Variants in SMAD3 observed in about 807,000 individuals in gnomAD.
SMAD3 encodes MAD homolog 3.
Under a neutral mutation model 51.8 loss-of-function variants are expected in SMAD3, and 12 were observed. The observed-to-expected ratio is 0.23, with a 90% CI of 0.15 to 0.38. The LOEUF is 0.38. Among genes scored for constraint, SMAD3 ranks in the 10% least tolerant of loss-of-function variants. The probability of loss-of-function intolerance (pLI) is 1.00; values close to 1 mark genes in which losing one functional copy is unlikely to be tolerated. For missense variants in SMAD3, 294 were observed against 565.6 expected (o/e 0.52, Z 4.87); for synonymous variants, 238 against 227.7 (o/e 1.05, Z -0.41).
Position 67,191,987 on chromosome 15 carries a change from A to C in SMAD3, c.*1451A>C, listed in dbSNP as rs1963379697. ...CTTTTCCCAGCCTTTTGCAGAACAC[A>C]GTAGACAGAACTGCCACCTTCAATT... is the stretch of plus-strand genomic sequence containing the variant. On this transcript the variant is annotated 3_prime_UTR_variant, in exon 9 of 9. Transcript: ENST00000327367. 1 of 230,256 alleles carries C rather than the reference A, an allele frequency of 4.3e-6. No individual in the cohort carries two copies. The highest frequency in any genetic ancestry group is 2.2e-5 in the African/African-American group (1 of 45,162). 14.3% of individuals were successfully genotyped at this position (230,256 alleles called of 1,614,324 possible).
At chr15:67,162,551 T>C (rs927619990) in intron 1 of SMAD3, among the ~76,000 whole-genome samples, 1 of 152,310 alleles carries the variant, frequency 6.6e-6, no homozygotes, top group African/African-American at 2.4e-5. Flanking sequence ...AGAGGCTACA[T>C]ACTGCTTTTA....
At chr15:67,076,289 C>T (rs538050616) in intron 1 of SMAD3, among the ~76,000 whole-genome samples, 7 of 152,086 alleles carry the variant, frequency 4.6e-5, no homozygotes, top group Non-Finnish European at 7.4e-5. Flanking sequence ...TTTGTTTGGT[C>T]GACTAAAAAT....
At chr15:67,166,470 T>G in intron 3 of SMAD3, 1 of 487,406 alleles carries the variant, frequency 2.1e-6, no homozygotes, top group South Asian at 2.1e-5. Context: ...CTGGAGGGGG[T>G]GGGGCTTAAC....
chr15:67,131,378 G>A (rs751673978), intron 1 of SMAD3, among the ~76,000 whole-genome samples: 6 of 152,160 alleles, frequency 3.9e-5, no homozygotes, highest in Admixed American at 1.3e-4. Flanking sequence ...GGAGATAGTC[G>A]TTGAGTTGTT....
At position 67,121,000 on chromosome 15, in the gene SMAD3, A is replaced by G. The variant is rs373319383; in HGVS notation, c.207-43895A>G. On this transcript the variant is annotated intron_variant, in intron 1 of 8. Coordinates refer to ENST00000327367, the MANE Select transcript of SMAD3 (RefSeq NM_005902.4). ...GCTTAGAGAAAGTGCGTTTTCTGTT[A>G]TAAAAGGACCTTGAATCCCCATCTC... is the stretch of plus-strand genomic sequence containing the variant. Among the ~76,000 whole-genome samples, 6 of 152,356 alleles carry G rather than the reference A, an allele frequency of 3.9e-5. No individual in the cohort carries two copies. The South Asian group carries it at 6.2e-4, about 16-fold the overall frequency.
chr15:67,107,150 C>T (rs935352464), intron 1 of SMAD3, among the ~76,000 whole-genome samples: 45 of 148,162 alleles, frequency 3.0e-4, no homozygotes, highest in Non-Finnish European at 5.9e-5. Flanking sequence ...TTACTGAGTG[C>T]ATTAAAAAAA....
At chr15:67,188,942 G>T (rs1963293027) in intron 8 of SMAD3, among the ~76,000 whole-genome samples, 1 of 152,172 alleles carries the variant, frequency 6.6e-6, no homozygotes, top group Non-Finnish European at 1.5e-5. Context: ...ACAGCCCCTT[G>T]GTTTCTTGGG....
At chr15:67,088,999 C>A (rs1378981044) in intron 1 of SMAD3, among the ~76,000 whole-genome samples, 3 of 152,144 alleles carry the variant, frequency 2.0e-5, no homozygotes, top group Admixed American at 2.0e-4. Flanking sequence ...GGTGACCTTT[C>A]TCCAGAGAGC....
intron 3 of SMAD3, chr15:67,166,276 A>C: frequency 1.2e-5 from 7 of 587,552 alleles, no homozygotes; most frequent in Non-Finnish European, 1.6e-5. Context: ...GAAATAGATC[A>C]CACTGTCTTT....
At chr15:67,157,951 C>A (rs1300870480) in intron 1 of SMAD3, among the ~76,000 whole-genome samples, 4 of 152,100 alleles carry the variant, frequency 2.6e-5, no homozygotes, top group South Asian at 4.1e-4. Flanking sequence ...TAGAGAAAGA[C>A]CTTTGGGGGT....
chr15:67,096,920 A>G (rs115472242), intron 1 of SMAD3, among the ~76,000 whole-genome samples: 69 of 152,352 alleles, frequency 4.5e-4, no homozygotes, highest in African/African-American at 1.5e-3. Flanking sequence ...GAGGAATTTC[A>G]GAGGCTACAA....
chr15:67,165,300 T>A lies in SMAD3; in HGVS notation c.448T>A (p.Phe150Ile), dbSNP rs751860407. Reference sequence around the variant, plus strand: ...ACGCCACACAGAGATCCCGGCCGAGTTCCCCCCACTGGACGACTACAGCCA... The same window carrying A: ...ACGCCACACAGAGATCCCGGCCGAGATCCCCCCACTGGACGACTACAGCCA... Reference protein sequence around the residue: ...VPRHTEIPAEFPPLDDYSHSI... With the variant: ...VPRHTEIPAEIPPLDDYSHSI... The change falls in exon 3 of 9, where the codon TTC becomes ATC. Residue 150 changes from phenylalanine (F) to isoleucine (I), a missense_variant. Physicochemically the swap from Phe to Ile is conservative, Grantham distance 21 (BLOSUM62 0). Around this residue, in one of 3 missense-constraint regions of SMAD3, gnomAD observed 147 missense variants for 260.9 expected, o/e 0.56. Coordinates refer to ENST00000327367, the MANE Select transcript of SMAD3 (RefSeq NM_005902.4). 6.2e-6 allele frequency: 10 copies of A among 1,613,822 alleles called. No homozygotes were observed. The highest frequency in any genetic ancestry group is 7.6e-6 in the Non-Finnish European group (9 of 1,179,952).
intron 1 of SMAD3, chr15:67,137,910 T>A (rs1961706530): frequency 1.4e-6 from 1 of 709,714 alleles, no homozygotes; most frequent in Non-Finnish European, 2.5e-6. Context: ...CCAGGGCTCT[T>A]CTGTTAGCGA....
At chr15:67,072,936 T>G (rs996078747) in intron 1 of SMAD3, among the ~76,000 whole-genome samples, 6 of 152,320 alleles carry the variant, frequency 3.9e-5, no homozygotes, top group Middle Eastern at 3.4e-3. Context: ...TTTTATGCCT[T>G]CCTTTAATGC....
rs115471083 is a variant in SMAD3, at chr15:67,120,300, G to A, written c.207-44595G>A. ...TGGGGAACAGAGGTGATAAGAGCCT[G>A]TGGCAGCTCAGGCAGCCCTGCCATG... On this transcript the variant is annotated intron_variant, in intron 1 of 8. Transcript: ENST00000327367. Among the ~76,000 whole-genome samples, 1,452 of 152,330 alleles carry A rather than the reference G, an allele frequency of 9.5e-3. 23 individuals are homozygous for A. Among genetic ancestry groups the A allele is most frequent in the African/African-American group, 0.033 (1,378 of 41,554 alleles).
At chr15:67,129,159 A>C (rs527821059) in intron 1 of SMAD3, among the ~76,000 whole-genome samples, 17 of 152,322 alleles carry the variant, frequency 1.1e-4, no homozygotes, top group South Asian at 2.1e-4. Flanking sequence ...AGTGATGTGC[A>C]CTTAGCACCT....
rs114250432 is a variant in SMAD3, at chr15:67,143,107, T to C, written c.207-21788T>C. 1,653 of 209,344 alleles carry C rather than the reference T, an allele frequency of 7.9e-3. 34 individuals carry two copies. The highest frequency in any genetic ancestry group is 0.035 in the African/African-American group (1,493 of 42,690). The allele number at this position is 209,344 out of a possible 1,614,324, so 13.0% of individuals were successfully genotyped here. A position where few individuals can be genotyped will look rare whatever the true frequency, so the allele number is the denominator to read the frequency against. On this transcript the variant is annotated intron_variant, in intron 1 of 8. Transcript: ENST00000327367. ...TTTGCCTGTCAAGGTTTTTCAATGATGAATAGTTGTTATGAGCATGTCAGC... is the reference window on the plus strand; with the variant it reads ...TTTGCCTGTCAAGGTTTTTCAATGACGAATAGTTGTTATGAGCATGTCAGC...
In SMAD3 at chr15:67,098,751, C is replaced by T. The variant is rs987598008; in HGVS notation, c.206+32391C>T. On this transcript the variant is annotated intron_variant, in intron 1 of 8. Transcript: ENST00000327367. Reference sequence around the variant, plus strand: ...GGAGGCTTGCTTTGGTTGTGGAGGCCTCCACAGCCCCCGGAAGGCAGGTGG... The same window carrying T: ...GGAGGCTTGCTTTGGTTGTGGAGGCTTCCACAGCCCCCGGAAGGCAGGTGG... 10 of 633,990 alleles carry T rather than the reference C, an allele frequency of 1.6e-5. No homozygotes were observed. The African/African-American group carries it at 1.6e-4, about 10-fold the overall frequency. The allele number at this position is 633,990 out of a possible 1,614,324, so 39.3% of individuals were successfully genotyped here. A position where few individuals can be genotyped will look rare whatever the true frequency, so the allele number is the denominator to read the frequency against.
At chr15:67,117,594 G>A (rs1223356887) in intron 1 of SMAD3, among the ~76,000 whole-genome samples, 1 of 152,154 alleles carries the variant, frequency 6.6e-6, no homozygotes, top group African/African-American at 2.4e-5. Context: ...GTGTGAGGAT[G>A]TTTCCTTTCC....
Sources: gnomAD v4.1 joint callset for allele counts (sites outside exome capture counted in the v4.1 genomes callset) on GRCh38, gnomAD v4.1.1 for gene constraint, gnomAD v4.1.1 regional missense constraint, MANE v1.5 for transcripts, NCBI Gene and HGNC (gene_info 2026-07-23, HGNC 2026-07-21) for gene names.